The following TRPV3 variants were observed in gnomAD, a reference collection of about 807,000 sequenced individuals.
TRPV3 encodes the protein VRL-3.
TRPV3 carries 88 observed loss-of-function variants against 87.1 expected under a neutral mutation model. The ratio of observed to expected loss-of-function variants is 1.01; its 90% CI spans 0.85 to 1.21. The LOEUF is 1.21. TRPV3 is among the 50% of genes most tolerant of loss of function. The pLI is 0.00. For synonymous variants in TRPV3, 438 were observed against 423.3 expected, an observed-to-expected ratio of 1.03 and a Z score of -0.43; for missense variants, 1,054 against 1,030.1, an observed-to-expected ratio of 1.02 and a Z score of -0.32.
chr17:3,545,314 G>A (rs1446259453), intron 2 of TRPV3, 43 bp from the exon 3 acceptor site: 1 of 1,461,640 alleles, frequency 6.8e-7, no homozygotes, highest in Non-Finnish European at 9.6e-7. Context: ...GAGCCAGGCA[G>A]AGCCTGTCTG....
Position 3,543,585 on chromosome 17 carries a change from G to T in TRPV3, c.355C>A (p.Leu119Met), listed in dbSNP as rs2074489787. 2 of 1,614,132 alleles carry T rather than the reference G, an allele frequency of 1.2e-6. No individual in the cohort carries two copies. The highest frequency in any genetic ancestry group is 1.7e-6 in the Non-Finnish European group (2 of 1,180,032). The change falls in exon 5 of 18, where the codon CTG becomes ATG. Residue 119 changes from leucine (L) to methionine (M), a missense_variant. By Grantham distance (15) the Leu-to-Met change is conservative. Coordinates refer to ENST00000576742, the MANE Select transcript of TRPV3 (RefSeq NM_145068.4). Reference sequence around the variant, plus strand: ...ACGGCTGCAAAGATGCGCTTCTTCAGCCGCCTCTTTTTCCTCCTCTGCTCT... The same window carrying T: ...ACGGCTGCAAAGATGCGCTTCTTCATCCGCCTCTTTTTCCTCCTCTGCTCT... ...KEEQRRKKRR[L>M]KKRIFAAVSE...
chr17:3,539,297 TAAAAAAAAAAAAAGTATGTA>T (rs754688430), intron 6 of TRPV3, among the ~76,000 whole-genome samples: 16 of 143,978 alleles, frequency 1.1e-4, no homozygotes, highest in Admixed American at 2.8e-4. Flanking sequence ...GTAAAGGACT[TAAAAAAAAAAAAAGTATGTA>T]AAATGCTGGG....
At chr17:3,514,063 G>GA in intron 17 of TRPV3, 52 bp from the exon 18 acceptor site, 9 of 1,435,960 alleles carry the variant, frequency 6.3e-6, no homozygotes, top group Non-Finnish European at 8.5e-6. Context: ...TGCATAGTGT[G>GA]TTTCTTTTTT....
At chr17:3,544,466 C>A in intron 4 of TRPV3, 113 bp downstream of exon 4, 1 of 658,492 alleles carries the variant, frequency 1.5e-6, no homozygotes, top group Non-Finnish European at 2.5e-6. Flanking sequence ...CCACTTGTCC[C>A]AATCCCCAGG....
Position 3,554,793 on chromosome 17 carries a change from T to TG in TRPV3, c.57dup (p.Ser20GlnfsTer32), listed in dbSNP as rs748671020. The TG allele has an allele frequency of 1.9e-6, 3 of 1,612,722 alleles. No homozygotes were observed. Among genetic ancestry groups the TG allele is most frequent in the Non-Finnish European group, 2.5e-6 (3 of 1,179,584 alleles). On this transcript the variant is annotated frameshift_variant, in exon 2 of 18. Transcript: ENST00000576742. LOFTEE classifies it high-confidence loss of function. Reference sequence around the variant, plus strand: ...TCTGGCAGGATGGCAGGGTTCCCACTGGGGGCAGCAACTCTCTTGCCCATG... The same window carrying TG: ...TCTGGCAGGATGGCAGGGTTCCCACTGGGGGGCAGCAACTCTCTTGCCCATG...
At chr17:3,550,351 T>G (rs1209572582) in intron 2 of TRPV3, among the ~76,000 whole-genome samples, 1 of 151,906 alleles carries the variant, frequency 6.6e-6, no homozygotes, top group Non-Finnish European at 1.5e-5. Context: ...CAGAAAGCCA[T>G]ATCACAAGAG....
intron 2 of TRPV3, 75 bp downstream of exon 2, chr17:3,554,657 C>A (rs950492988): frequency 5.7e-6 from 6 of 1,050,508 alleles, no homozygotes; most frequent in Non-Finnish European, 8.3e-6. Flanking sequence ...GGCAAGGGCT[C>A]CCTGGGGGGG....
chr17:3,532,753 C>T lies in TRPV3; in HGVS notation c.969G>A (p.Met323Ile). The T allele has an allele frequency of 6.2e-7, 1 of 1,614,270 alleles. No homozygotes were observed. Among genetic ancestry groups the T allele is most frequent in the Non-Finnish European group, 8.5e-7 (1 of 1,180,050 alleles). The part of the protein sequence containing the change: ...QNDFVKRMYD[M>I]ILLRSGNWEL... ...CCCAGTTGCCACTCCGCAGTAGGATCATGTCGTACATGCGCTTCACAAAGT... is the reference window on the plus strand; with the variant it reads ...CCCAGTTGCCACTCCGCAGTAGGATTATGTCGTACATGCGCTTCACAAAGT... Residue 323 changes from methionine to isoleucine, a missense_variant, in exon 8 of 18, where the codon ATG (methionine) becomes ATA (isoleucine). By Grantham distance (10) the Met-to-Ile change is conservative. Transcript: ENST00000576742.
chr17:3,539,463 G>T (rs1452362345), intron 6 of TRPV3: 1 of 152,090 alleles, frequency 6.6e-6, no homozygotes, highest in Non-Finnish European at 1.5e-5. Context: ...ACCAGCCTGG[G>T]CAACATGGTG....
At position 3,533,364 on chromosome 17, in the gene TRPV3, C is replaced by T. The variant is rs2074368627; in HGVS notation, c.785-427G>A. Among the ~76,000 whole-genome samples, 4 of 152,342 alleles carry T rather than the reference C, an allele frequency of 2.6e-5. No individual in the cohort carries two copies. In the South Asian group the frequency reaches 6.2e-4, roughly 24 times the overall value. On this transcript the variant is annotated intron_variant, in intron 7 of 17. Coordinates refer to ENST00000576742, the MANE Select transcript of TRPV3 (RefSeq NM_145068.4). ...CCCCTCTGCCTGTAGATAGCCCAGT[C>T]ACTTTCTCCCTCACCTCCTTCAAGT... is the stretch of plus-strand genomic sequence containing the variant.
intron 15 of TRPV3, among the ~76,000 whole-genome samples, chr17:3,517,932 C>G (rs1216636834): frequency 2.0e-5 from 3 of 151,802 alleles, no homozygotes; most frequent in Non-Finnish European, 4.4e-5. Context: ...GATCCTCCTG[C>G]CTCAGCCTCC....
At chr17:3,531,924 G>T (rs892501217) in intron 8 of TRPV3, among the ~76,000 whole-genome samples, 1 of 152,158 alleles carries the variant, frequency 6.6e-6, no homozygotes, top group Non-Finnish European at 1.5e-5. Context: ...GCACAGCTGC[G>T]ATTACTCAAC....
At chr17:3,542,867 C>T (rs934001958) in intron 5 of TRPV3, among the ~76,000 whole-genome samples, 169 bp from the exon 6 acceptor site, 2 of 152,084 alleles carry the variant, frequency 1.3e-5, no homozygotes, top group Admixed American at 1.3e-4. Flanking sequence ...GTTTCTCCTC[C>T]GTCTCCTATG....
intron 3 of TRPV3, among the ~76,000 whole-genome samples, chr17:3,544,936 C>T (rs757612358): frequency 3.9e-5 from 6 of 152,164 alleles, no homozygotes; most frequent in Non-Finnish European, 7.4e-5. Context: ...ATCGCTTAAA[C>T]CTGGGAGGTG....
rs1193938691 is a variant in TRPV3, at chr17:3,556,256, G to C, written c.-2-1404C>G. On this transcript the variant is annotated intron_variant, in intron 1 of 17. Transcript: ENST00000576742. The surrounding 1 kb of genome is among the most constrained non-coding windows in gnomAD (Gnocchi z 4.2). ...TATGGCTGACCCCTGGGGGCAGCTG[G>C]GAGTTGGGTGCAGAGGCTCTGGGTT... Among the ~76,000 whole-genome samples the C allele has an allele frequency of 6.6e-6, 1 of 152,098 alleles. No individual in the cohort carries two copies. Among genetic ancestry groups the C allele is most frequent in the Non-Finnish European group, 1.5e-5 (1 of 68,016 alleles).
chr17:3,542,621 TG>T lies in TRPV3; in HGVS notation c.543del (p.Asn182ThrfsTer5). On this transcript the variant is annotated frameshift_variant, in exon 6 of 18. Transcript: ENST00000576742. LOFTEE classifies it high-confidence loss of function. ...CLMKALLNINPNTKEIVRILL... is the reference protein window; with the variant it reads ...CLMKALLNINXNTKEIVRILL... ...AGGATCCGCACTATCTCCTTGGTGT[TG>T]GGGTTGATGTTTAACAAGGCCTTCA... is the stretch of plus-strand genomic sequence containing the variant. The T allele has an allele frequency of 6.2e-7, 1 of 1,614,016 alleles. No individual in the cohort carries two copies. Among genetic ancestry groups the T allele is most frequent in the South Asian group, 1.1e-5 (1 of 91,072 alleles).
intron 2 of TRPV3, chr17:3,554,372 A>G: frequency 5.0e-6 from 1 of 199,982 alleles, no homozygotes; most frequent in Non-Finnish European, 1.0e-5. Flanking sequence ...TGCCCAACAG[A>G]GGCTCCGGGT....
rs551227886 is a variant in TRPV3, at chr17:3,556,617, C to T, written c.-3+1059G>A. ...GCTTCCTGGAGGAAGTTTCCGGAGC[C>T]AGGTGTCATCAGGCTGGAGAGAGTC... On this transcript the variant is annotated intron_variant, in intron 1 of 17. Coordinates refer to ENST00000576742, the MANE Select transcript of TRPV3 (RefSeq NM_145068.4). The surrounding 1 kb of genome is among the most constrained non-coding windows in gnomAD (Gnocchi z 4.2). Among the ~76,000 whole-genome samples, 2 of 152,160 alleles carry T rather than the reference C, an allele frequency of 1.3e-5. No homozygotes were observed. Among genetic ancestry groups the T allele is most frequent in the Non-Finnish European group, 2.9e-5 (2 of 68,018 alleles).
chr17:3,541,009 A>C (rs1319504066), intron 6 of TRPV3, among the ~76,000 whole-genome samples: 1 of 152,232 alleles, frequency 6.6e-6, no homozygotes, highest in African/African-American at 2.4e-5. Flanking sequence ...TTCAAATAAT[A>C]AATCACAATT....
Sources: gnomAD v4.1 joint callset for allele counts (sites outside exome capture counted in the v4.1 genomes callset) on GRCh38, gnomAD v4.1.1 for gene constraint, Gnocchi (gnomAD v3.1) non-coding constraint, MANE v1.5 for transcripts, NCBI Gene and HGNC (gene_info 2026-07-23, HGNC 2026-07-21) for gene names.